Variants in DLGAP2 observed in about 807,000 individuals in gnomAD.
The protein encoded by DLGAP2 is DLG associated protein 2.
Under a neutral mutation model 100.3 loss-of-function variants are expected in DLGAP2, and 26 were observed. The observed-to-expected ratio is 0.26, with a 90% CI of 0.19 to 0.36. The LOEUF (loss-of-function observed/expected upper bound fraction) is 0.36, where lower values mean the gene tolerates loss of function less well. Among genes scored for constraint, DLGAP2 ranks in the 10% least tolerant of loss-of-function variants. The pLI, the probability that DLGAP2 is intolerant of heterozygous loss-of-function variation, is 1.00. For synonymous variants in DLGAP2, 886 were observed against 630.1 expected, an observed-to-expected ratio of 1.41 and a Z score of -6.08; for missense variants, 1,858 against 1,453.2, an observed-to-expected ratio of 1.28 and a Z score of -4.53.
chr8:1,123,041 G>A (rs973272152), intron 2 of DLGAP2, among the ~76,000 whole-genome samples: 3 of 152,170 alleles, frequency 2.0e-5, no homozygotes, highest in African/African-American at 4.8e-5. Flanking sequence ...TACAAACTGG[G>A]TTGGGGGCAC....
chr8:1,073,777 C>A (rs1466951594), intron 2 of DLGAP2, among the ~76,000 whole-genome samples: 2 of 152,240 alleles, frequency 1.3e-5, no homozygotes, highest in African/African-American at 4.8e-5. Context: ...AACTGCCGTT[C>A]CTTCCCAAAC....
rs373784127 is a variant in DLGAP2 at position 1,261,075 on chromosome 8, C to T, written c.106+2192C>T. 1.1e-3 allele frequency among the ~76,000 whole-genome samples: 170 copies of T among 152,140 alleles called. 1 individual carries two copies. The South Asian group carries it at 0.024, about 21-fold the overall frequency. ...CTAGAAGGCAGGTCAGCTTCCAGAT[C>T]TTTAAAACGAGACAGACCGGGAGGG... On this transcript the variant is annotated intron_variant, in intron 3 of 14. Coordinates refer to ENST00000637795, the MANE Select transcript of DLGAP2 (RefSeq NM_001346810.2).
chr8:1,361,710 A>G (rs1178796843), intron 3 of DLGAP2, among the ~76,000 whole-genome samples: 3 of 152,224 alleles, frequency 2.0e-5, no homozygotes, highest in African/African-American at 4.8e-5. Flanking sequence ...GCAAGGCCCT[A>G]CACGGTAACT....
intron 8 of DLGAP2, among the ~76,000 whole-genome samples, chr8:1,658,649 C>G (rs1192554356): frequency 6.6e-6 from 1 of 152,164 alleles, no homozygotes; most frequent in Non-Finnish European, 1.5e-5. Context: ...TTATAGTATT[C>G]TCTGATGGTA....
At chr8:1,454,022 T>C (rs1433709249) in intron 3 of DLGAP2, among the ~76,000 whole-genome samples, 1 of 152,224 alleles carries the variant, frequency 6.6e-6, no homozygotes, top group Non-Finnish European at 1.5e-5. Context: ...TGGGATCCGC[T>C]GAAAGGCAGA....
intron 2 of DLGAP2, among the ~76,000 whole-genome samples, chr8:1,168,006 T>A (rs1034244616): frequency 2.0e-5 from 3 of 150,542 alleles, no homozygotes; most frequent in Admixed American, 2.0e-4. Context: ...GCATTAGGTA[T>A]ATCTCCCATT....
At chr8:983,232 C>T (rs766174078) in intron 2 of DLGAP2, among the ~76,000 whole-genome samples, 24 of 151,716 alleles carry the variant, frequency 1.6e-4, no homozygotes, top group African/African-American at 2.7e-4. Context: ...TACAGGTCCT[C>T]GAGATGTTCT....
chr8:846,560 C>G (rs1352302091), intron 1 of DLGAP2, among the ~76,000 whole-genome samples: 1 of 152,156 alleles, frequency 6.6e-6, no homozygotes, highest in Non-Finnish European at 1.5e-5. Context: ...GGGTTGGTCC[C>G]ATATCTTGGA....
At chr8:1,459,771 T>TG (rs1215282964) in intron 3 of DLGAP2, among the ~76,000 whole-genome samples, 1 of 148,626 alleles carries the variant, frequency 6.7e-6, no homozygotes, top group African/African-American at 2.5e-5. Flanking sequence ...CTGCAACCTC[T>TG]GCCTCCCAGG....
rs140737878 is a variant in DLGAP2 at position 1,502,264 on chromosome 8, G to A, written c.172+833G>A. On this transcript the variant is annotated intron_variant, in intron 4 of 14. Coordinates refer to ENST00000637795, the MANE Select transcript of DLGAP2 (RefSeq NM_001346810.2). ...CTGCAGTGACAGCACTCAGGGCTGG[G>A]TCTCGGATCATAAGTTCAATTTATA... Among the ~76,000 whole-genome samples the A allele has an allele frequency of 2.2e-3, 341 of 152,308 alleles. 2 individuals carry two copies. The highest frequency in any genetic ancestry group is 7.8e-3 in the African/African-American group (324 of 41,566).
rs145219111 is a variant in DLGAP2 at position 974,508 on chromosome 8, C to G, written c.73+66542C>G. ...AGAATATATTCTGGGCTATAAAACA[C>G]ACCTTAAAAATTTAAAAGACTAGAA... On this transcript the variant is annotated intron_variant, in intron 2 of 14. Coordinates refer to ENST00000637795, the MANE Select transcript of DLGAP2 (RefSeq NM_001346810.2). Among the ~76,000 whole-genome samples the G allele has an allele frequency of 3.9e-4, 60 of 152,272 alleles. No homozygotes were observed. In the East Asian group the frequency reaches 0.01, roughly 26 times the overall value.
At chr8:1,697,350 C>T in intron 14 of DLGAP2, 51 bp downstream of exon 14, 2 of 1,535,902 alleles carry the variant, frequency 1.3e-6, no homozygotes, top group Non-Finnish European at 8.8e-7. Context: ...TTTCTCACTG[C>T]ACTAACGACC....
rs183185570 is a variant in DLGAP2, at chr8:1,310,447, C to T, written c.106+51564C>T. On this transcript the variant is annotated intron_variant, in intron 3 of 14. Transcript: ENST00000637795. ...GCTGGAGGCTGGAATGAACCACTTT[C>T]AATAGTAAGCAGGACGTCTACACAG... 5.8e-4 allele frequency among the ~76,000 whole-genome samples: 88 copies of T among 152,220 alleles called. 1 individual carries two copies. Among genetic ancestry groups the T allele is most frequent in the Admixed American group, 1.6e-3 (24 of 15,282 alleles).
chr8:855,488 A>G (rs1228981276), intron 1 of DLGAP2, among the ~76,000 whole-genome samples: 2 of 152,200 alleles, frequency 1.3e-5, no homozygotes, highest in African/African-American at 2.4e-5. Flanking sequence ...GAGGGTGCCA[A>G]GAGAAAACAA....
chr8:1,528,590 A>G (rs1238842536), intron 4 of DLGAP2, among the ~76,000 whole-genome samples: 1 of 152,236 alleles, frequency 6.6e-6, no homozygotes, highest in Non-Finnish European at 1.5e-5. Context: ...CTGAGAATAA[A>G]TGTGATGCTG....
chr8:1,130,205 G>A (rs1360546729), intron 2 of DLGAP2, among the ~76,000 whole-genome samples: 1 of 152,164 alleles, frequency 6.6e-6, no homozygotes, highest in Non-Finnish European at 1.5e-5. Flanking sequence ...CAGAAGTGAG[G>A]TGCGTTATTG....
intron 2 of DLGAP2, among the ~76,000 whole-genome samples, chr8:1,103,748 G>A (rs1320186930): frequency 7.3e-6 from 1 of 137,906 alleles, no homozygotes; most frequent in Non-Finnish European, 1.6e-5. Flanking sequence ...CTTGGTTGAC[G>A]GTGATGACTG....
chr8:1,422,577 A>G (rs77265109), intron 3 of DLGAP2, among the ~76,000 whole-genome samples: 3 of 147,490 alleles, frequency 2.0e-5, no homozygotes, highest in African/African-American at 7.6e-5. Context: ...AAAAAAAAAA[A>G]GGTGTGGGTG....
intron 3 of DLGAP2, among the ~76,000 whole-genome samples, chr8:1,291,343 C>T (rs1169025761): frequency 2.6e-5 from 4 of 152,062 alleles, no homozygotes; most frequent in Non-Finnish European, 5.9e-5. Context: ...AAATGGAAAC[C>T]AGAAGCAAGC....
Sources: gnomAD v4.1 joint callset for allele counts (sites outside exome capture counted in the v4.1 genomes callset) on GRCh38, gnomAD v4.1.1 for gene constraint, MANE v1.5 for transcripts, NCBI Gene and HGNC (gene_info 2026-07-23, HGNC 2026-07-21) for gene names.